Variants in ATP2B2 observed in about 807,000 individuals in gnomAD.
The protein encoded by ATP2B2 is ATPase plasma membrane Ca2+ transporting 2.
ATP2B2 carries 15 observed loss-of-function variants against 120.0 expected under a neutral mutation model. The observed-to-expected ratio is 0.12, with a 90% CI of 0.08 to 0.19. ATP2B2 has a LOEUF of 0.19. Ranked by LOEUF, ATP2B2 falls within the 10% of genes least tolerant of loss-of-function variation. ATP2B2 has a pLI of 1.00. For missense variants in ATP2B2, 1,045 were observed against 1,719.8 expected, an observed-to-expected ratio of 0.61 and a Z score of 6.94; for synonymous variants, 694 against 700.3, an observed-to-expected ratio of 0.99 and a Z score of 0.14.
chr3:10,465,503 C>T (rs1460953855), intron 1 of ATP2B2, among the ~76,000 whole-genome samples: 1 of 152,250 alleles, frequency 6.6e-6, no homozygotes, highest in Non-Finnish European at 1.5e-5. Flanking sequence ...TCTCCTGAAT[C>T]CCAGGCCTCA....
chr3:10,638,620 TC>T (rs2125648146), intron 1 of ATP2B2, among the ~76,000 whole-genome samples: 1 of 152,324 alleles, frequency 6.6e-6, no homozygotes, highest in East Asian at 1.9e-4. Flanking sequence ...ATATCTATGA[TC>T]CCAATAAATG....
chr3:10,581,420 G>A (rs1056623162), intron 2 of ATP2B2, among the ~76,000 whole-genome samples: 2 of 152,200 alleles, frequency 1.3e-5, no homozygotes, highest in Admixed American at 6.5e-5. Flanking sequence ...AGGAAATCCA[G>A]AAGGGTTGGC....
At chr3:10,473,519 C>A (rs1324957847) in intron 1 of ATP2B2, among the ~76,000 whole-genome samples, 1 of 152,208 alleles carries the variant, frequency 6.6e-6, no homozygotes, top group Non-Finnish European at 1.5e-5. Context: ...GTAATCCCAG[C>A]TACTCAGGAG....
rs554801986 is a variant in ATP2B2 at position 10,492,656 on chromosome 3, T to C, written c.-320+12809A>G. Among the ~76,000 whole-genome samples the C allele has an allele frequency of 5.3e-5, 8 of 152,242 alleles. No homozygotes were observed. The East Asian group carries it at 1.5e-3, about 29-fold the overall frequency. ...TGCCTCATTTGCGACTGCACCCCCT[T>C]TGCCCATGCTCTCCCTCTCACCCCG... On this transcript the variant is annotated intron_variant, in intron 1 of 22. Transcript: ENST00000360273.
intron 2 of ATP2B2, among the ~76,000 whole-genome samples, chr3:10,555,156 C>T (rs887990171): frequency 4.2e-4 from 64 of 152,348 alleles, no homozygotes; most frequent in African/African-American, 1.4e-3. Context: ...CCACATCAAA[C>T]GGCAAGGATA....
chr3:10,354,362 TA>T (rs2060656256), intron 14 of ATP2B2, among the ~76,000 whole-genome samples: 1 of 152,164 alleles, frequency 6.6e-6, no homozygotes, highest in Non-Finnish European at 1.5e-5. Flanking sequence ...ACTGTGAAAT[TA>T]AAAATAAATA....
At chr3:10,706,686 T>C (rs2071901355) in intron 1 of ATP2B2, among the ~76,000 whole-genome samples, 1 of 152,104 alleles carries the variant, frequency 6.6e-6, no homozygotes, top group Non-Finnish European at 1.5e-5. Context: ...ATACAGACCA[T>C]ACACTAAGCA....
At chr3:10,398,341 G>A (rs770604037) in intron 5 of ATP2B2, among the ~76,000 whole-genome samples, 2 of 152,162 alleles carry the variant, frequency 1.3e-5, no homozygotes, top group East Asian at 1.9e-4. Flanking sequence ...ACATCTAGAC[G>A]CCCCAGGCGT....
At chr3:10,335,713 A>G (rs976389083) in intron 22 of ATP2B2, among the ~76,000 whole-genome samples, 1 of 152,138 alleles carries the variant, frequency 6.6e-6, no homozygotes, top group Admixed American at 6.5e-5. Context: ...GTCCAACTCC[A>G]ACCCTTGCCT....
chr3:10,633,119 T>G (rs1275917577), intron 1 of ATP2B2, among the ~76,000 whole-genome samples: 1 of 152,224 alleles, frequency 6.6e-6, no homozygotes, highest in Non-Finnish European at 1.5e-5. Flanking sequence ...GTGGAATCCT[T>G]GCTCTTCCAC....
chr3:10,456,155 T>TA (rs1182804529), intron 1 of ATP2B2, among the ~76,000 whole-genome samples: 1 of 152,032 alleles, frequency 6.6e-6, no homozygotes, highest in Non-Finnish European at 1.5e-5. Context: ...GAAGGAAGAA[T>TA]AAAAAAATAA....
At chr3:10,630,097 C>T (rs2069820792) in intron 1 of ATP2B2, among the ~76,000 whole-genome samples, 1 of 152,232 alleles carries the variant, frequency 6.6e-6, no homozygotes, top group South Asian at 2.1e-4. Flanking sequence ...CCAATCCTCA[C>T]AGACAGCAGC....
chr3:10,495,473 CTT>C (rs1484897941), intron 1 of ATP2B2, among the ~76,000 whole-genome samples: 1 of 152,210 alleles, frequency 6.6e-6, no homozygotes, highest in Non-Finnish European at 1.5e-5. Context: ...GTAAAGGAAA[CTT>C]TTGCACACGG....
At chr3:10,577,352 A>G (rs1009024921) in intron 2 of ATP2B2, among the ~76,000 whole-genome samples, 3 of 152,168 alleles carry the variant, frequency 2.0e-5, no homozygotes, top group Non-Finnish European at 4.4e-5. Flanking sequence ...CTTTCCATTT[A>G]TGGAAAGTGG....
rs1378191457 is a variant in ATP2B2 at position 10,657,190 on chromosome 3, A to G, written c.-459-37229T>C. The stretch of plus-strand genomic sequence containing the variant: ...GTGGAAGCAGGGAAGCAGTCAGGAG[A>G]AATATGATGAGGCTGGAAGACGGGG... On this transcript the variant is annotated intron_variant, in intron 1 of 21. Transcript: ENST00000646379. 3.9e-5 allele frequency among the ~76,000 whole-genome samples: 6 copies of G among 152,200 alleles called. No homozygotes were observed. In the South Asian group the frequency reaches 6.2e-4, roughly 16 times the overall value.
chr3:10,345,504 G>A lies in ATP2B2; in HGVS notation c.2583C>T (p.Ile861=), dbSNP rs111706887. 6.2e-6 allele frequency: 10 copies of A among 1,614,098 alleles called. No individual in the cohort carries two copies. The highest frequency in any genetic ancestry group is 8.5e-6 in the Non-Finnish European group (10 of 1,180,036). The change falls in exon 18 of 23, where the codon ATC becomes ATT. Residue 861 remains isoleucine (I), a synonymous_variant. Transcript: ENST00000360273. The part of the protein sequence containing the change: ...IILTDDNFSS[I]VKAVMWGRNV... Reference sequence around the variant, plus strand: ...TGCGGCCCCACATCACTGCCTTGACGATGCTGCTGAAATTGTCGTCTGTCA... The same window carrying A: ...TGCGGCCCCACATCACTGCCTTGACAATGCTGCTGAAATTGTCGTCTGTCA...
intron 2 of ATP2B2, among the ~76,000 whole-genome samples, chr3:10,586,209 G>A (rs2068507690): frequency 6.6e-6 from 1 of 152,170 alleles, no homozygotes; most frequent in African/African-American, 2.4e-5. Flanking sequence ...AGTGGCATTG[G>A]AGACTCCATT....
chr3:10,401,539 C>T (rs568424842), intron 4 of ATP2B2, among the ~76,000 whole-genome samples: 20 of 152,286 alleles, frequency 1.3e-4, no homozygotes, highest in African/African-American at 4.6e-4. Flanking sequence ...TCCAATCTCT[C>T]CCCTACCTTC....
rs571427733 is a variant in ATP2B2, at chr3:10,705,988, C to T, written c.-460+1927G>A. ...TTTATTTAGTAATATGCCTCTGGCACATCAAACAGTGCTGAGCACATATTA... is the reference window on the plus strand; with the variant it reads ...TTTATTTAGTAATATGCCTCTGGCATATCAAACAGTGCTGAGCACATATTA... On this transcript the variant is annotated intron_variant, in intron 1 of 21. Transcript: ENST00000646379. 8.9e-4 allele frequency among the ~76,000 whole-genome samples: 136 copies of T among 152,364 alleles called. 2 individuals carry two copies. The highest frequency in any genetic ancestry group is 3.1e-3 in the African/African-American group (128 of 41,588).
Sources: gnomAD v4.1 joint callset for allele counts (sites outside exome capture counted in the v4.1 genomes callset) on GRCh38, gnomAD v4.1.1 for gene constraint, MANE v1.5 for transcripts, NCBI Gene and HGNC (gene_info 2026-07-23, HGNC 2026-07-21) for gene names.